The following RTL9 variants were observed in gnomAD, a reference collection of about 807,000 sequenced individuals.
RTL9 encodes retrotransposon Gag-like protein 9.
Under a neutral mutation model 44.7 loss-of-function variants are expected in RTL9, and 19 were observed. The observed-to-expected ratio is 0.42, with a 90% CI of 0.30 to 0.62. The LOEUF (loss-of-function observed/expected upper bound fraction) is 0.62, where lower values mean the gene tolerates loss of function less well. Ranked by LOEUF, RTL9 falls within the 20% of genes least tolerant of loss-of-function variation. The probability of loss-of-function intolerance (pLI) is 0.16; values close to 1 mark genes in which losing one functional copy is unlikely to be tolerated. For missense variants in RTL9, 1,105 were observed against 1,080.6 expected (o/e 1.02, Z -0.32); for synonymous variants, 407 against 398.9 (o/e 1.02, Z -0.24).
exon 1 of RTL9, chrX:110,453,460 G>T (rs778458396): frequency 8.3e-7 from 1 of 1,211,805 alleles, no homozygotes; most frequent in East Asian, 3.0e-5. Context: ...GTCTCTGGAG[G>T]GATGTCCAAG....
chrX:110,397,741 G>T (rs1220179700), intron 1 of RTL9, among the ~76,000 whole-genome samples: 1 of 111,694 alleles, frequency 9.0e-6, no homozygotes, highest in Non-Finnish European at 1.9e-5. Flanking sequence ...GCCTGCAAAG[G>T]CCAACCTGCC....
At chrX:110,430,474 A>G (rs1443021822) in intron 1 of RTL9, among the ~76,000 whole-genome samples, 1 of 112,290 alleles carries the variant, frequency 8.9e-6, no homozygotes, top group African/African-American at 3.2e-5. Flanking sequence ...AACTTGGCCA[A>G]GGTCACATAG....
At chrX:110,390,577 AG>A (rs1300252016) in intron 1 of RTL9, among the ~76,000 whole-genome samples, 1 of 111,478 alleles carries the variant, frequency 9.0e-6, no homozygotes, top group African/African-American at 3.3e-5. Context: ...CCACTACTGT[AG>A]ATCCAAAAAA....
chrX:110,405,157 G>A (rs910553208), intron 1 of RTL9, among the ~76,000 whole-genome samples: 1 of 105,982 alleles, frequency 9.4e-6, no homozygotes, highest in Admixed American at 1.1e-4. Flanking sequence ...TCTAAGAGGT[G>A]CTGTTGGGAT....
At chrX:110,421,794 C>T (rs147620555) in intron 1 of RTL9, among the ~76,000 whole-genome samples, 16 of 112,709 alleles carry the variant, frequency 1.4e-4, no homozygotes, top group South Asian at 1.1e-3. Flanking sequence ...CTTCTGGTCC[C>T]GGTCCTTGCC....
At chrX:110,452,738 C>T (rs772981235) in exon 1 of RTL9, 1 of 1,209,562 alleles carries the variant, frequency 8.3e-7, no homozygotes. Flanking sequence ...TAATGCCTGC[C>T]TCACTAATGA....
At chrX:110,359,589 G>T (rs746500868) in intron 1 of RTL9, among the ~76,000 whole-genome samples, 11 of 111,362 alleles carry the variant, frequency 9.9e-5, no homozygotes, top group South Asian at 3.8e-4. Context: ...TAATGTTCTT[G>T]TCCATTGCAC....
intron 1 of RTL9, among the ~76,000 whole-genome samples, chrX:110,409,282 C>T (rs2068624790): frequency 9.0e-6 from 1 of 110,950 alleles, no homozygotes; most frequent in Admixed American, 9.5e-5. Context: ...TGCCTCAAAG[C>T]TAGAGCGTCC....
At chrX:110,421,905 C>T (rs754242874) in intron 1 of RTL9, among the ~76,000 whole-genome samples, 2 of 112,840 alleles carry the variant, frequency 1.8e-5, no homozygotes, top group South Asian at 7.3e-4. Context: ...ATGCAAATGG[C>T]CAAATCCCAA....
chrX:110,361,377 C>T (rs2068262319), intron 1 of RTL9, among the ~76,000 whole-genome samples: 1 of 111,404 alleles, frequency 9.0e-6, no homozygotes, highest in African/African-American at 3.3e-5. Context: ...ATTGCACTAG[C>T]CTCTCAACTG....
chrX:110,364,428 T>C (rs1444375810), intron 1 of RTL9, among the ~76,000 whole-genome samples: 1 of 111,871 alleles, frequency 8.9e-6, no homozygotes, highest in Non-Finnish European at 1.9e-5. Flanking sequence ...CTAGCCTATC[T>C]GACTCCAAAA....
At position 110,452,374 on chromosome X, in the gene RTL9, G is replaced by T. The variant is rs773316732; in HGVS notation, c.1757G>T (p.Gly586Val). The change falls in exon 1 of 2, where the codon GGA becomes GTA. Residue 586 changes from glycine (G) to valine (V), a missense_variant. Physicochemically the swap from Gly to Val is moderately radical, Grantham distance 109 (BLOSUM62 -3). Transcript: ENST00000540313. ...CCACTAATGACAGCCCAAACCTCTG[G>T]ATCAACATCCACGCTGTTAATGAGA... is the stretch of plus-strand genomic sequence containing the variant. 13 of 1,211,677 alleles carry T rather than the reference G, an allele frequency of 1.1e-5. No individual in the cohort carries two copies. Among genetic ancestry groups the T allele is most frequent in the Non-Finnish European group, 1.5e-5 (13 of 895,485 alleles).
In RTL9 at chrX:110,455,157, T is replaced by G. The variant is rs2068973204; in HGVS notation, c.4048-45T>G. On this transcript the variant is annotated intron_variant, in intron 1 of 1. Transcript: ENST00000540313. Reference sequence around the variant, plus strand: ...TATCCAGGCAGAACACCCGTTGCCATAGTAAGTGTGGCTCTTACCTCTGTT... The same window carrying G: ...TATCCAGGCAGAACACCCGTTGCCAGAGTAAGTGTGGCTCTTACCTCTGTT... 2.5e-6 allele frequency: 3 copies of G among 1,204,056 alleles called. No individual in the cohort carries two copies. The African/African-American group carries it at 5.2e-5, about 21-fold the overall frequency.
chrX:110,453,630 C>T lies in RTL9; in HGVS notation c.3013C>T (p.Gln1005Ter). 8.2e-7 allele frequency: 1 copy of T among 1,212,140 alleles called. No homozygotes were observed. The highest frequency in any genetic ancestry group is 1.1e-6 in the Non-Finnish European group (1 of 895,578). ...GAACTCTAGATCTATGTCCTTGTCACAAACAACATATACCGTGTCTGGAAG... is the reference window on the plus strand; with the variant it reads ...GAACTCTAGATCTATGTCCTTGTCATAAACAACATATACCGTGTCTGGAAG... The change falls in exon 1 of 2, where the codon CAA (glutamine) becomes TAA (stop). Residue 1005 changes from glutamine to a stop codon, truncating the protein, a stop_gained. Transcript: ENST00000540313. LOFTEE classifies it high-confidence loss of function.
intron 1 of RTL9, among the ~76,000 whole-genome samples, chrX:110,408,567 C>T (rs552992811): frequency 8.9e-5 from 10 of 112,240 alleles, no homozygotes; most frequent in Middle Eastern, 4.6e-3. Flanking sequence ...GCTTCCCCTG[C>T]CCCGACCCCA....
At chrX:110,454,691 T>A in intron 1 of RTL9, 27 bp downstream of exon 3, 1 of 1,127,383 alleles carries the variant, frequency 8.9e-7, no homozygotes, top group Non-Finnish European at 1.2e-6. Context: ...CCGCTGAAGG[T>A]TTTTGAGCAG....
exon 1 of RTL9, chrX:110,451,915 C>G: frequency 8.3e-7 from 1 of 1,211,504 alleles, no homozygotes; most frequent in Non-Finnish European, 1.1e-6. Context: ...ACAGTTCCAG[C>G]CTCTGGAGCC....
At chrX:110,446,613 A>G (rs1017450184), upstream of RTL9, among the ~76,000 whole-genome samples, 1 of 111,890 alleles carries the variant, frequency 8.9e-6, no homozygotes, top group African/African-American at 3.3e-5. Flanking sequence ...AATCCCCTCT[A>G]ATCCCATCAT....
chrX:110,431,379 G>A (rs1413263040), intron 1 of RTL9, among the ~76,000 whole-genome samples: 2 of 108,857 alleles, frequency 1.8e-5, no homozygotes, highest in Non-Finnish European at 3.8e-5. Flanking sequence ...GAAGGTGGGA[G>A]GAATACCAGG....
Sources: gnomAD v4.1 joint callset for allele counts (sites outside exome capture counted in the v4.1 genomes callset) on GRCh38, gnomAD v4.1.1 for gene constraint, MANE v1.5 for transcripts, NCBI Gene and HGNC (gene_info 2026-07-23, HGNC 2026-07-21) for gene names.